Variants in CRPPA observed in about 807,000 individuals in gnomAD.
CRPPA encodes the protein D-ribitol-5-phosphate cytidylyltransferase.
CRPPA carries 43 observed loss-of-function variants against 52.0 expected under a neutral mutation model. The observed-to-expected ratio is 0.83, with a 90% CI of 0.65 to 1.07. CRPPA has a LOEUF of 1.07. Among genes scored for constraint, CRPPA ranks in the 50% least tolerant of loss-of-function variants. The pLI, the probability that CRPPA is intolerant of heterozygous loss-of-function variation, is 0.00. For synonymous variants in CRPPA, 250 were observed against 203.5 expected (o/e 1.23, Z -1.94); for missense variants, 629 against 551.7 (o/e 1.14, Z -1.40).
chr7:16,290,726 G>C (rs1562611638), intron 5 of CRPPA, among the ~76,000 whole-genome samples: 1 of 151,920 alleles, frequency 6.6e-6, no homozygotes, highest in Non-Finnish European at 1.5e-5. Context: ...TCAGGACATT[G>C]GTGTCAAAAA....
chr7:16,420,248 G>A (rs1269863528), intron 1 of CRPPA, among the ~76,000 whole-genome samples: 2 of 152,152 alleles, frequency 1.3e-5, no homozygotes, highest in African/African-American at 4.8e-5. Flanking sequence ...GCTCCCCACT[G>A]GCTTCAGAGA....
intron 9 of CRPPA, among the ~76,000 whole-genome samples, chr7:16,165,453 T>C (rs972366790): frequency 1.3e-5 from 2 of 152,322 alleles, no homozygotes; most frequent in African/African-American, 4.8e-5. Flanking sequence ...TTATAAAATA[T>C]GTTCAGTTAT....
intron 3 of CRPPA, among the ~76,000 whole-genome samples, chr7:16,368,682 T>C (rs1016678896): frequency 6.6e-6 from 1 of 152,212 alleles, no homozygotes; most frequent in East Asian, 1.9e-4. Context: ...GATCAAATTC[T>C]GCAAAAATAA....
rs1376462620 is a variant in CRPPA, at chr7:16,365,196, T to C, written c.684+10896A>G. On this transcript the variant is annotated intron_variant, in intron 3 of 9. Coordinates refer to ENST00000407010, the MANE Select transcript of CRPPA (RefSeq NM_001101426.4). ...CAGGTCATAGGATCTGGCTTCTCCC[T>C]GTGACTGAAGGAGCTAGGAGTTCAC... Among the ~76,000 whole-genome samples the C allele has an allele frequency of 3.3e-5, 5 of 152,308 alleles. No homozygotes were observed. In the East Asian group the frequency reaches 9.7e-4, roughly 29 times the overall value.
intron 9 of CRPPA, among the ~76,000 whole-genome samples, chr7:16,136,266 A>G (rs1002441123): frequency 6.6e-6 from 1 of 152,204 alleles, no homozygotes; most frequent in Admixed American, 6.5e-5. Flanking sequence ...CATTCAAGGT[A>G]TTTAAATGTA....
chr7:16,106,799 A>T (rs1261881109), intron 9 of CRPPA, among the ~76,000 whole-genome samples: 1 of 152,214 alleles, frequency 6.6e-6, no homozygotes, highest in Admixed American at 6.5e-5. Flanking sequence ...CCTCAAAGGA[A>T]TGTACATTTA....
chr7:16,275,790 A>G (rs1240553849), intron 6 of CRPPA, among the ~76,000 whole-genome samples: 7 of 152,116 alleles, frequency 4.6e-5, no homozygotes, highest in Non-Finnish European at 1.0e-4. Flanking sequence ...ATGAGCCATG[A>G]TAGTACCAAG....
chr7:16,175,103 A>T (rs1658201209), intron 9 of CRPPA, among the ~76,000 whole-genome samples: 1 of 152,154 alleles, frequency 6.6e-6, no homozygotes, highest in Non-Finnish European at 1.5e-5. Context: ...ACCAATGAAA[A>T]TGGTTCTTAG....
chr7:16,299,625 C>A (rs1003776544), intron 5 of CRPPA, among the ~76,000 whole-genome samples: 2 of 152,052 alleles, frequency 1.3e-5, no homozygotes, highest in African/African-American at 4.8e-5. Context: ...ATATACAAAC[C>A]CTAAAATATA....
intron 6 of CRPPA, among the ~76,000 whole-genome samples, chr7:16,265,801 T>A (rs925811984): frequency 6.1e-4 from 93 of 152,302 alleles, no homozygotes; most frequent in African/African-American, 2.2e-3. Flanking sequence ...TAAAACTGCA[T>A]AGTACACCTA....
chr7:16,260,736 T>C (rs1783772008), intron 6 of CRPPA, among the ~76,000 whole-genome samples: 1 of 148,008 alleles, frequency 6.8e-6, no homozygotes, highest in African/African-American at 2.5e-5. Flanking sequence ...AAAAAAAAAA[T>C]CTTACTTTAA....
chr7:16,210,854 A>G (rs1386980726), intron 9 of CRPPA, among the ~76,000 whole-genome samples: 1 of 152,176 alleles, frequency 6.6e-6, no homozygotes, highest in Non-Finnish European at 1.5e-5. Flanking sequence ...GAAAAAAAAA[A>G]AAGGAAAGAT....
intron 2 of CRPPA, among the ~76,000 whole-genome samples, chr7:16,405,850 A>T (rs1424838377): frequency 3.3e-5 from 5 of 152,218 alleles, no homozygotes; most frequent in South Asian, 2.1e-4. Flanking sequence ...CAAATACCTC[A>T]TATCACATTA....
chr7:16,397,094 C>A (rs1031822879), intron 2 of CRPPA, among the ~76,000 whole-genome samples: 2 of 152,300 alleles, frequency 1.3e-5, no homozygotes, highest in Non-Finnish European at 1.5e-5. Context: ...GGAAGACACA[C>A]GTGTGAAATA....
In CRPPA at chr7:16,087,593, T is replaced by G. The variant is rs1410019511; in HGVS notation, c.*4102A>C. 1 of 151,948 alleles carries G rather than the reference T, an allele frequency of 6.6e-6. No individual in the cohort carries two copies. Among genetic ancestry groups the G allele is most frequent in the Non-Finnish European group, 1.5e-5 (1 of 67,918 alleles). 9.4% of individuals were successfully genotyped at this position (151,948 alleles called of 1,614,324 possible). A position where few individuals can be genotyped will look rare whatever the true frequency, so the allele number is the denominator to read the frequency against. On this transcript the variant is annotated 3_prime_UTR_variant, in exon 10 of 10. Transcript: ENST00000407010. Reference sequence around the variant, plus strand: ...AACAACATATTTAGAATCTTTATAGTACTTTTCAATGTCACCTTAAAAATA... The same window carrying G: ...AACAACATATTTAGAATCTTTATAGGACTTTTCAATGTCACCTTAAAAATA...
intron 2 of CRPPA, among the ~76,000 whole-genome samples, chr7:16,380,958 T>C (rs1348115543): frequency 6.6e-6 from 1 of 151,872 alleles, no homozygotes; most frequent in South Asian, 2.1e-4. Flanking sequence ...GATTCATTAA[T>C]TTTTTGAAGG....
intron 5 of CRPPA, among the ~76,000 whole-genome samples, chr7:16,299,002 CG>C (rs1217614612): frequency 6.6e-6 from 1 of 152,208 alleles, no homozygotes; most frequent in Non-Finnish European, 1.5e-5. Context: ...GCTGGCAGAT[CG>C]TGGGACTTAG....
At chr7:16,129,230 A>C (rs1782637433) in intron 9 of CRPPA, among the ~76,000 whole-genome samples, 1 of 151,960 alleles carries the variant, frequency 6.6e-6, no homozygotes, top group African/African-American at 2.4e-5. Context: ...TCCTCTCTTG[A>C]ATGCTCTCTT....
chr7:16,398,060 T>C (rs1787660794), intron 2 of CRPPA, among the ~76,000 whole-genome samples: 1 of 152,330 alleles, frequency 6.6e-6, no homozygotes, highest in South Asian at 2.1e-4. Context: ...CTGATCGAAA[T>C]GACCAGGGCA....
Sources: allele counts gnomAD v4.1 joint callset (sites outside exome capture counted in the v4.1 genomes callset), GRCh38; gene constraint gnomAD v4.1.1; transcripts MANE v1.5; gene names NCBI Gene and HGNC (gene_info 2026-07-23, HGNC 2026-07-21).